Variants in MAP3K1 observed in about 807,000 individuals in gnomAD.
The protein encoded by MAP3K1 is MAP/ERK kinase kinase 1.
MAP3K1 carries 36 observed loss-of-function variants against 144.2 expected under a neutral mutation model. The observed-to-expected ratio is 0.25, with a 90% confidence interval of 0.19 to 0.33. The LOEUF is 0.33. Ranked by LOEUF, MAP3K1 falls within the 10% of genes least tolerant of loss-of-function variation. The probability of loss-of-function intolerance (pLI) is 1.00; values close to 1 mark genes in which losing one functional copy is unlikely to be tolerated. For missense variants in MAP3K1, 1,650 were observed against 1,881.9 expected (o/e 0.88, Z 2.28); for synonymous variants, 718 against 688.7 (o/e 1.04, Z -0.67).
At chr5:56,852,257 C>T (rs1747197523) in intron 1 of MAP3K1, among the ~76,000 whole-genome samples, 1 of 152,032 alleles carries the variant, frequency 6.6e-6, no homozygotes, top group Admixed American at 6.6e-5. Flanking sequence ...AGAAAAAGAC[C>T]TCATAGAAGA....
chr5:56,844,284 A>G (rs902089590), intron 1 of MAP3K1, among the ~76,000 whole-genome samples: 1 of 132,796 alleles, frequency 7.5e-6, no homozygotes, highest in Non-Finnish European at 1.5e-5. Context: ...GGTTCATGCC[A>G]TTCTCCAGCC....
At chr5:56,875,596 T>A (rs1188969954) in intron 10 of MAP3K1, among the ~76,000 whole-genome samples, 2 of 152,196 alleles carry the variant, frequency 1.3e-5, no homozygotes, top group Non-Finnish European at 2.9e-5. Context: ...TCATGGTTTC[T>A]TAGTTTCTGT....
chr5:56,875,181 C>A lies in MAP3K1; in HGVS notation c.1836C>A (p.Ser612Arg). ...GAAATTCTGGGGGCAGCAGTGGAAG[C>A]AGCCCGAGTGGGGGAGCCACCAGTG... is the stretch of plus-strand genomic sequence containing the variant. Reference protein sequence around the residue: ...STGNSGGSSGSSPSGGATSGS... With the variant: ...STGNSGGSSGRSPSGGATSGS... The change falls in exon 10 of 20, where the codon AGC becomes AGA. Residue 612 changes from serine (S) to arginine (R), a missense_variant. By Grantham distance (110) the Ser-to-Arg change is moderately radical. Around this residue, in one of 6 missense-constraint regions of MAP3K1, gnomAD observed 841 missense variants for 886.5 expected, o/e 0.95. Coordinates refer to ENST00000399503, the MANE Select transcript of MAP3K1 (RefSeq NM_005921.2). 6.2e-7 allele frequency: 1 copy of A among 1,614,168 alleles called. No individual in the cohort carries two copies. The highest frequency in any genetic ancestry group is 1.1e-5 in the South Asian group (1 of 91,084).
At chr5:56,831,459 T>G (rs1185824803) in intron 1 of MAP3K1, among the ~76,000 whole-genome samples, 1 of 152,180 alleles carries the variant, frequency 6.6e-6, no homozygotes, top group Non-Finnish European at 1.5e-5. Context: ...AACCTAGCCC[T>G]AATTTTTTTT....
At chr5:56,869,359 A>T (rs1747781658) in intron 6 of MAP3K1, among the ~76,000 whole-genome samples, 1 of 152,194 alleles carries the variant, frequency 6.6e-6, no homozygotes, top group South Asian at 2.1e-4. Flanking sequence ...CAGTTTTACA[A>T]GATGAAAAGG....
rs1290994534 is a variant in MAP3K1 at position 56,882,478 on chromosome 5, A to G, written c.3278A>G (p.Asp1093Gly). 1 of 1,614,156 alleles carries G rather than the reference A, an allele frequency of 6.2e-7. No individual in the cohort carries two copies. Among genetic ancestry groups the G allele is most frequent in the Non-Finnish European group, 8.5e-7 (1 of 1,180,008 alleles). The change falls in exon 14 of 20, where the codon GAC (aspartate) becomes GGC (glycine). Residue 1093 changes from aspartate (D) to glycine (G), a missense_variant. By Grantham distance (94) the Asp-to-Gly change is moderately conservative. Transcript: ENST00000399503. ...CTGAACAGTAGTTCCAAATGTGATG[A>G]CAGCTTTGGCTGTAGCAGCAATAGT... ...LDLNSSSKCD[D>G]SFGCSSNSSN...
chr5:56,831,757 A>G (rs1746501472), intron 1 of MAP3K1, among the ~76,000 whole-genome samples: 1 of 152,214 alleles, frequency 6.6e-6, no homozygotes, highest in Non-Finnish European at 1.5e-5. Context: ...AAGGAGACCT[A>G]CTTTATGTGA....
chr5:56,876,916 C>A (rs1289212721), intron 10 of MAP3K1, among the ~76,000 whole-genome samples: 1 of 152,140 alleles, frequency 6.6e-6, no homozygotes, highest in African/African-American at 2.4e-5. Flanking sequence ...AAAGCATATT[C>A]TGTGGAAGTT....
Position 56,888,240 on chromosome 5 carries a change from A to G in MAP3K1, c.4272A>G (p.Gln1424=). 3 of 1,613,946 alleles carry G rather than the reference A, an allele frequency of 1.9e-6. No homozygotes were observed. Among genetic ancestry groups the G allele is most frequent in the Middle Eastern group, 1.7e-4 (1 of 6,060 alleles). Residue 1424 remains glutamine, a synonymous_variant, in exon 19 of 20, where the codon CAA becomes CAG. Transcript: ENST00000399503. ...ATTTATTTTAGGTACTAAGAGGTCA[A>G]CAGTATGGAAGGAGCTGTGATGTAT... is the stretch of plus-strand genomic sequence containing the variant. ...AFMAPEVLRG[Q]QYGRSCDVWS...
In MAP3K1 at chr5:56,815,948, C is replaced by T. The variant is rs748533534; in HGVS notation, c.375C>T (p.Thr125=). The T allele has an allele frequency of 3.2e-6, 4 of 1,260,962 alleles. No individual in the cohort carries two copies. In the South Asian group the frequency reaches 8.5e-5, roughly 27 times the overall value. The allele number at this position is 1,260,962 out of a possible 1,614,324, so 78.1% of individuals were successfully genotyped here. A position where few individuals can be genotyped will look rare whatever the true frequency, so the allele number is the denominator to read the frequency against. Residue 125 remains threonine, a synonymous_variant, in exon 1 of 20, where the codon ACC becomes ACT. Transcript: ENST00000399503. ...CGAGCCGCGGCGGCGCCCACCTTAC[C>T]GAGTCGGTGGCGGCGCCGGACAGCG... The part of the protein sequence containing the change: ...GAASRGGAHL[T]ESVAAPDSGA...
At chr5:56,839,250 A>T (rs142886445) in intron 1 of MAP3K1, among the ~76,000 whole-genome samples, 1 of 152,352 alleles carries the variant, frequency 6.6e-6, no homozygotes, top group Non-Finnish European at 1.5e-5. Flanking sequence ...AGAATTTCGC[A>T]TAGTCATTAT....
In MAP3K1 at chr5:56,829,349, A is replaced by ATT. The variant is rs70999027; in HGVS notation, c.482+13312_482+13313dup. The stretch of plus-strand genomic sequence containing the variant: ...AGGTGCATGCCACTGTGCCCGGCAA[A>ATT]TTTTTTTTTTTTTTTTTTTGTAGTG... On this transcript the variant is annotated intron_variant, in intron 1 of 19. Coordinates refer to ENST00000399503, the MANE Select transcript of MAP3K1 (RefSeq NM_005921.2). 5.5e-3 allele frequency among the ~76,000 whole-genome samples: 712 copies of ATT among 130,322 alleles called. 6 individuals carry two copies. Among genetic ancestry groups the ATT allele is most frequent in the Middle Eastern group, 0.024 (6 of 246 alleles). The allele number at this position is 130,322 out of a possible 152,430, so 85.5% of individuals were successfully genotyped here. A position where few individuals can be genotyped will look rare whatever the true frequency, so the allele number is the denominator to read the frequency against.
intron 15 of MAP3K1, among the ~76,000 whole-genome samples, chr5:56,884,287 C>T (rs1579782148): frequency 2.0e-5 from 3 of 150,638 alleles, no homozygotes; most frequent in African/African-American, 4.8e-5. Flanking sequence ...TGTACTTGTG[C>T]GGTGCCATCT....
At chr5:56,820,800 A>G (rs1196444908) in intron 1 of MAP3K1, 1 of 985,288 alleles carries the variant, frequency 1.0e-6, no homozygotes, top group East Asian at 1.1e-4. Context: ...TCATGAGTGC[A>G]CAAGCTGTTT....
At chr5:56,861,590 A>AG (rs149128894) in intron 3 of MAP3K1, among the ~76,000 whole-genome samples, 18 of 134,578 alleles carry the variant, frequency 1.3e-4, no homozygotes, top group African/African-American at 4.2e-4. Flanking sequence ...AAAAAAAAAA[A>AG]GGGGCTATTA....
intron 16 of MAP3K1, 86 bp from the exon 17 acceptor site, chr5:56,885,846 T>C (rs1748361931): frequency 9.3e-7 from 1 of 1,076,346 alleles, no homozygotes; most frequent in African/African-American, 1.6e-5. Flanking sequence ...TGTGAGTTCA[T>C]GCAGTGAAAA....
intron 1 of MAP3K1, among the ~76,000 whole-genome samples, chr5:56,823,070 A>C (rs1746202238): frequency 6.6e-6 from 1 of 152,180 alleles, no homozygotes; most frequent in Non-Finnish European, 1.5e-5. Context: ...ATCATTTCCA[A>C]ATGTAAATCT....
At chr5:56,826,811 TGAG>T (rs1329714835) in intron 1 of MAP3K1, among the ~76,000 whole-genome samples, 1 of 152,224 alleles carries the variant, frequency 6.6e-6, no homozygotes, top group African/African-American at 2.4e-5. Flanking sequence ...CTGTCACTCC[TGAG>T]GAGATGTCCA....
At chr5:56,868,780 T>G (rs1409325832) in intron 6 of MAP3K1, among the ~76,000 whole-genome samples, 1 of 152,214 alleles carries the variant, frequency 6.6e-6, no homozygotes, top group African/African-American at 2.4e-5. Context: ...TGGAAAATTA[T>G]GATGGCATTA....
Sources: gnomAD v4.1 joint callset for allele counts (sites outside exome capture counted in the v4.1 genomes callset) on GRCh38, gnomAD v4.1.1 for gene constraint, gnomAD v4.1.1 regional missense constraint, MANE v1.5 for transcripts, NCBI Gene and HGNC (gene_info 2026-07-23, HGNC 2026-07-21) for gene names.